The following LNPK variants were observed in gnomAD, a reference collection of about 807,000 sequenced individuals.
The protein encoded by LNPK is endoplasmic reticulum junction formation protein lunapark.
LNPK carries 29 observed loss-of-function variants against 55.2 expected under a neutral mutation model. The observed-to-expected ratio is 0.53, with a 90% CI of 0.39 to 0.72. The LOEUF (loss-of-function observed/expected upper bound fraction) is 0.72. LNPK is among the 30% of genes least tolerant of loss of function. The pLI, the probability that LNPK is intolerant of heterozygous loss-of-function variation, is 0.00. For missense variants in LNPK, 467 were observed against 494.8 expected, an observed-to-expected ratio of 0.94 and a Z score of 0.53; for synonymous variants, 162 against 168.2, an observed-to-expected ratio of 0.96 and a Z score of 0.29.
chr2:175,975,007 CTTAT>C (rs1559060982), intron 5 of LNPK, among the ~76,000 whole-genome samples: 2 of 123,484 alleles, frequency 1.6e-5, no homozygotes, highest in East Asian at 4.2e-4. Context: ...AAAAAGGTTT[CTTAT>C]TTTTTTTTTT....
intron 6 of LNPK, among the ~76,000 whole-genome samples, chr2:175,965,860 C>G (rs1350229402): frequency 6.6e-6 from 1 of 151,738 alleles, no homozygotes; most frequent in Non-Finnish European, 1.5e-5. Flanking sequence ...ATCCCCAAAT[C>G]AACATAATCT....
At chr2:175,943,226 A>ACAC in intron 9 of LNPK, among the ~76,000 whole-genome samples, 1 of 146,824 alleles carries the variant, frequency 6.8e-6, no homozygotes, top group South Asian at 2.2e-4. Context: ...AAAAAAAAAA[A>ACAC]CACCTTTTTC....
rs1684023521 is a variant in LNPK at position 175,926,725 on chromosome 2, G to C, written c.*3242C>G. The C allele has an allele frequency of 6.6e-6, 1 of 152,164 alleles. No individual in the cohort carries two copies. Among genetic ancestry groups the C allele is most frequent in the Non-Finnish European group, 1.5e-5 (1 of 68,036 alleles). 9.4% of individuals were successfully genotyped at this position (152,164 alleles called of 1,614,324 possible). ...CATCATTATTAATGCAATGTGAACA[G>C]AGAAATGAGAATATAACTAGAAGAT... On this transcript the variant is annotated 3_prime_UTR_variant, in exon 13 of 13. Coordinates refer to ENST00000272748, the MANE Select transcript of LNPK (RefSeq NM_030650.3).
rs1687085756 is a variant in LNPK at position 175,979,820 on chromosome 2, T to C, written c.306A>G (p.Thr102=). ...TVIIFFFSKR[T]ERNNEALDDL... Reference sequence around the variant, plus strand: ...TGGAATTAAACTTACTATTTCTTTCTGTTCTCTTGGAAAAGAAGAAAATAA... The same window carrying C: ...TGGAATTAAACTTACTATTTCTTTCCGTTCTCTTGGAAAAGAAGAAAATAA... Residue 102 remains threonine (T), a synonymous_variant, in exon 5 of 13, where the codon ACA becomes ACG. Transcript: ENST00000272748. 3 of 1,575,890 alleles carry C rather than the reference T, an allele frequency of 1.9e-6. No individual in the cohort carries two copies. Among genetic ancestry groups the C allele is most frequent in the Non-Finnish European group, 1.7e-6 (2 of 1,162,312 alleles).
At chr2:175,965,976 G>T (rs560197783) in intron 6 of LNPK, among the ~76,000 whole-genome samples, 1 of 152,202 alleles carries the variant, frequency 6.6e-6, no homozygotes, top group East Asian at 1.9e-4. Context: ...AATGGTCTAT[G>T]TCAGCGTAAT....
intron 8 of LNPK, among the ~76,000 whole-genome samples, chr2:175,954,545 C>T (rs1461197896): frequency 2.0e-5 from 3 of 152,096 alleles, no homozygotes; most frequent in Non-Finnish European, 4.4e-5. Flanking sequence ...CACTTGCCAG[C>T]CTTTAGTTGA....
intron 5 of LNPK, among the ~76,000 whole-genome samples, chr2:175,976,619 CAA>C (rs1049195124): frequency 6.6e-6 from 1 of 152,158 alleles, no homozygotes; most frequent in African/African-American, 2.4e-5. Flanking sequence ...CTGAATAGAA[CAA>C]AAAGTTTGCT....
At chr2:175,970,992 T>C (rs1165808930) in intron 5 of LNPK, among the ~76,000 whole-genome samples, 188 bp from the exon 6 acceptor site, 3 of 152,132 alleles carry the variant, frequency 2.0e-5, no homozygotes, top group Non-Finnish European at 4.4e-5. Flanking sequence ...GCCTGTATTA[T>C]ATATTATAGG....
In LNPK at chr2:175,929,796, T is replaced by G; in HGVS notation, c.*171A>C. The G allele has an allele frequency of 7.0e-7, 1 of 1,430,290 alleles. No homozygotes were observed. The highest frequency in any genetic ancestry group is 1.6e-5 in the South Asian group (1 of 63,520). The allele number at this position is 1,430,290 out of a possible 1,614,324, so 88.6% of individuals were successfully genotyped here. ...TCACTGATATAACTTGCTTTTAATT[T>G]TAATACCCAGTATATATAACTTTGA... On this transcript the variant is annotated 3_prime_UTR_variant, in exon 13 of 13. Transcript: ENST00000272748.
At chr2:175,939,845 T>C in intron 9 of LNPK, 188 bp from the exon 10 acceptor site, 1 of 460,730 alleles carries the variant, frequency 2.2e-6, no homozygotes, top group Non-Finnish European at 3.8e-6. Context: ...CTACAAAATA[T>C]ATTTAAATAT....
chr2:175,969,025 A>T (rs1686519066), intron 6 of LNPK, among the ~76,000 whole-genome samples: 1 of 152,022 alleles, frequency 6.6e-6, no homozygotes, highest in African/African-American at 2.4e-5. Context: ...TCTCAAAAAA[A>T]GAAAAAAAAA....
At chr2:175,985,446 G>C (rs1387910514) in intron 4 of LNPK, among the ~76,000 whole-genome samples, 1 of 152,152 alleles carries the variant, frequency 6.6e-6, no homozygotes, top group African/African-American at 2.4e-5. Flanking sequence ...GGTCTGTTTT[G>C]AAACAACTTT....
chr2:175,974,821 G>A (rs953401045), intron 5 of LNPK, among the ~76,000 whole-genome samples: 1 of 151,724 alleles, frequency 6.6e-6, no homozygotes, highest in Non-Finnish European at 1.5e-5. Flanking sequence ...TAAACATACA[G>A]GTAATACCTA....
At position 175,981,331 on chromosome 2, in the gene LNPK, G is replaced by A. The variant is rs1270230812; in HGVS notation, c.258-1463C>T. 5.9e-5 allele frequency among the ~76,000 whole-genome samples: 9 copies of A among 152,302 alleles called. No homozygotes were observed. The East Asian group carries it at 1.7e-3, about 29-fold the overall frequency. Reference sequence around the variant, plus strand: ...AACAGTCAAAGAAGTCTATGAAAAGGTCCATGCAGTGAGGAAGAAAGGTCT... The same window carrying A: ...AACAGTCAAAGAAGTCTATGAAAAGATCCATGCAGTGAGGAAGAAAGGTCT... On this transcript the variant is annotated intron_variant, in intron 4 of 12. Transcript: ENST00000272748.
rs567164215 is a variant in LNPK, at chr2:175,993,770, G to C, written c.28-547C>G. 4.0e-5 allele frequency among the ~76,000 whole-genome samples: 6 copies of C among 151,886 alleles called. No homozygotes were observed. In the East Asian group the frequency reaches 1.2e-3, roughly 29 times the overall value. On this transcript the variant is annotated intron_variant, in intron 2 of 12. Coordinates refer to ENST00000272748, the MANE Select transcript of LNPK (RefSeq NM_030650.3). ...ATCGCACCACTGCACTCCAGCCTGG[G>C]TGACAGAGCAAGACTCCATCTCAAA...
intron 9 of LNPK, 181 bp from the exon 10 acceptor site, chr2:175,939,838 C>A (rs1398361098): frequency 4.2e-6 from 2 of 476,556 alleles, no homozygotes; most frequent in Admixed American, 3.8e-5. Context: ...TACTGTACTA[C>A]AAAATATATT....
chr2:175,936,828 G>A (rs1347761956), intron 12 of LNPK, among the ~76,000 whole-genome samples: 1 of 152,044 alleles, frequency 6.6e-6, no homozygotes, highest in Non-Finnish European at 1.5e-5. Flanking sequence ...TTAGAAAATT[G>A]TTTGTTTTAA....
chr2:175,937,363 T>C lies in LNPK; in HGVS notation c.1035A>G (p.Ser345=). 1.2e-6 allele frequency: 2 copies of C among 1,613,408 alleles called. No individual in the cohort carries two copies. The highest frequency in any genetic ancestry group is 1.1e-5 in the South Asian group (1 of 90,952). Residue 345 remains serine (S), a synonymous_variant, in exon 12 of 13, where the codon TCA becomes TCG. Transcript: ENST00000272748. ...GPLPSGSVLS[S]DNQFNEESLE... is the part of the protein sequence containing the mutation. ...TCATACCTTCATTAAACTGGTTGTCTGATGAAAGCACACTTCCTGATGGCA... is the reference window on the plus strand; with the variant it reads ...TCATACCTTCATTAAACTGGTTGTCCGATGAAAGCACACTTCCTGATGGCA...
chr2:175,928,282 G>T lies in LNPK; in HGVS notation c.*1685C>A, dbSNP rs998243481. Reference sequence around the variant, plus strand: ...TTTAAAGACATTAATAAGAACAAATGCCATCGTTTTCAGGTAGTGTGCTAG... The same window carrying T: ...TTTAAAGACATTAATAAGAACAAATTCCATCGTTTTCAGGTAGTGTGCTAG... On this transcript the variant is annotated 3_prime_UTR_variant, in exon 13 of 13. Coordinates refer to ENST00000272748, the MANE Select transcript of LNPK (RefSeq NM_030650.3). 1.3e-5 allele frequency: 2 copies of T among 151,998 alleles called. No homozygotes were observed. Among genetic ancestry groups the T allele is most frequent in the African/African-American group, 4.8e-5 (2 of 41,390 alleles). The allele number at this position is 151,998 out of a possible 1,614,324, so 9.4% of individuals were successfully genotyped here.
Sources: gnomAD v4.1 joint callset for allele counts (sites outside exome capture counted in the v4.1 genomes callset) on GRCh38, gnomAD v4.1.1 for gene constraint, MANE v1.5 for transcripts, NCBI Gene and HGNC (gene_info 2026-07-23, HGNC 2026-07-21) for gene names.